Variants in SH3RF1 observed in about 807,000 individuals in gnomAD.
The protein encoded by SH3RF1 is SH3 domain containing ring finger 1.
SH3RF1 carries 32 observed loss-of-function variants against 74.0 expected under a neutral mutation model. That is an observed-to-expected ratio of 0.43 (90% CI 0.33 to 0.58). SH3RF1 has a LOEUF of 0.58. SH3RF1 is among the 20% of genes least tolerant of loss of function. The pLI is 0.05. For missense variants in SH3RF1, 954 were observed against 1,130.9 expected (o/e 0.84, Z 2.24); for synonymous variants, 396 against 439.6 (o/e 0.90, Z 1.24).
intron 2 of SH3RF1, among the ~76,000 whole-genome samples, chr4:169,230,829 G>A (rs6820438): frequency 0.061 from 8,665 of 141,406 alleles, 381 homozygotes; most frequent in Admixed American, 0.17. Flanking sequence ...GCACTCCAGC[G>A]TAGATGACAG....
intron 2 of SH3RF1, among the ~76,000 whole-genome samples, chr4:169,250,540 A>G (rs1039707): frequency 0.067 from 10,130 of 152,254 alleles, 378 homozygotes; most frequent in South Asian, 0.12. Context: ...TACATCAAGT[A>G]TAACCATTCA....
At chr4:169,201,599 C>T (rs907562986) in intron 2 of SH3RF1, among the ~76,000 whole-genome samples, 2 of 152,170 alleles carry the variant, frequency 1.3e-5, no homozygotes, top group African/African-American at 4.8e-5. Context: ...ATAACAACAA[C>T]TTTGCTATTC....
intron 2 of SH3RF1, among the ~76,000 whole-genome samples, chr4:169,246,798 G>A (rs1731001100): frequency 6.6e-6 from 1 of 152,112 alleles, no homozygotes; most frequent in South Asian, 2.1e-4. Context: ...CATTTAACTA[G>A]CAATTATTTC....
At chr4:169,187,012 C>CAAA (rs11435790) in intron 2 of SH3RF1, among the ~76,000 whole-genome samples, 2 of 127,540 alleles carry the variant, frequency 1.6e-5, no homozygotes, top group African/African-American at 3.1e-5. Context: ...GGCTCCATCG[C>CAAA]AAAAAAAAAA....
In SH3RF1 at chr4:169,269,284, G is replaced by A; in HGVS notation, c.-72C>T. 6.9e-7 allele frequency: 1 copy of A among 1,455,848 alleles called. No homozygotes were observed. Among genetic ancestry groups the A allele is most frequent in the Non-Finnish European group, 9.1e-7 (1 of 1,095,950 alleles). The allele number at this position is 1,455,848 out of a possible 1,614,324, so 90.2% of individuals were successfully genotyped here. On this transcript the variant is annotated 5_prime_UTR_variant, in exon 2 of 12. Transcript: ENST00000284637. ...GTGTGCATCCCTTAAAATGACTCAT[G>A]TAACATCCATTTCAGACTTTGCTCT...
intron 2 of SH3RF1, among the ~76,000 whole-genome samples, chr4:169,260,900 A>G (rs1461412676): frequency 6.6e-6 from 1 of 152,208 alleles, no homozygotes; most frequent in African/African-American, 2.4e-5. Context: ...GTATCTTTTC[A>G]GTAACTTTGG....
intron 2 of SH3RF1, among the ~76,000 whole-genome samples, chr4:169,217,069 G>A (rs751245471): frequency 3.3e-5 from 5 of 150,016 alleles, no homozygotes; most frequent in African/African-American, 7.4e-5. Context: ...GAGCTGAGGT[G>A]AGAAGATCGC....
chr4:169,228,512 T>C (rs1044099457), intron 2 of SH3RF1, among the ~76,000 whole-genome samples: 2 of 152,176 alleles, frequency 1.3e-5, no homozygotes, highest in Non-Finnish European at 1.5e-5. Context: ...GAGTTCCTCA[T>C]CACATAACAT....
At chr4:169,216,920 G>A (rs763937060) in intron 2 of SH3RF1, among the ~76,000 whole-genome samples, 7 of 151,226 alleles carry the variant, frequency 4.6e-5, no homozygotes, top group Non-Finnish European at 7.4e-5. Flanking sequence ...GGAGGCCGAG[G>A]CAGGCGGATC....
At chr4:169,171,685 T>C (rs1734329639) in intron 2 of SH3RF1, among the ~76,000 whole-genome samples, 1 of 152,196 alleles carries the variant, frequency 6.6e-6, no homozygotes, top group African/African-American at 2.4e-5. Context: ...AGAAACTTTA[T>C]TACCTGTGCC....
At chr4:169,263,799 AG>A in intron 2 of SH3RF1, among the ~76,000 whole-genome samples, 1 of 152,256 alleles carries the variant, frequency 6.6e-6, no homozygotes. Flanking sequence ...AGAAAGTAGT[AG>A]TTTTCCCCTC....
At chr4:169,248,283 A>G (rs1731042301) in intron 2 of SH3RF1, among the ~76,000 whole-genome samples, 2 of 152,238 alleles carry the variant, frequency 1.3e-5, no homozygotes, top group Non-Finnish European at 2.9e-5. Flanking sequence ...TGTGGCACAT[A>G]TGCATCATGG....
chr4:169,102,429 T>C (rs999500635), intron 11 of SH3RF1, among the ~76,000 whole-genome samples: 2 of 152,098 alleles, frequency 1.3e-5, no homozygotes, highest in Non-Finnish European at 2.9e-5. Flanking sequence ...GAGATGAGCT[T>C]ATAGGTATGT....
intron 2 of SH3RF1, among the ~76,000 whole-genome samples, chr4:169,190,481 A>T (rs1415536207): frequency 1.3e-5 from 2 of 152,148 alleles, no homozygotes; most frequent in Admixed American, 6.5e-5. Context: ...GAGGAGATGG[A>T]TAAATTTCTA....
chr4:169,252,883 A>C (rs1731129042), intron 2 of SH3RF1, among the ~76,000 whole-genome samples: 1 of 152,206 alleles, frequency 6.6e-6, no homozygotes, highest in Non-Finnish European at 1.5e-5. Context: ...GGATTATAGC[A>C]AAGGGGAAGT....
intron 2 of SH3RF1, chr4:169,201,691 G>C (rs561568013): frequency 6.6e-6 from 1 of 152,194 alleles, no homozygotes; most frequent in South Asian, 2.1e-4. Context: ...TCATTTCCAT[G>C]GTAACTTCCT....
chr4:169,099,553 A>G (rs2126933756), intron 11 of SH3RF1, among the ~76,000 whole-genome samples: 1 of 152,370 alleles, frequency 6.6e-6, no homozygotes, highest in Admixed American at 6.5e-5. Context: ...GCAAAGCTTT[A>G]TAATTCTGGG....
At chr4:169,196,961 CA>C (rs1158152890) in intron 2 of SH3RF1, among the ~76,000 whole-genome samples, 1 of 152,142 alleles carries the variant, frequency 6.6e-6, no homozygotes, top group South Asian at 2.1e-4. Context: ...AAAAAGCACT[CA>C]AAAAAGTAAC....
At chr4:169,188,028 G>A (rs930624469) in intron 2 of SH3RF1, among the ~76,000 whole-genome samples, 2 of 152,084 alleles carry the variant, frequency 1.3e-5, no homozygotes, top group African/African-American at 4.8e-5. Context: ...ACAAGCCTAG[G>A]AATGCCAAGG....
Sources: gnomAD v4.1 joint callset for allele counts (sites outside exome capture counted in the v4.1 genomes callset) on GRCh38, gnomAD v4.1.1 for gene constraint, MANE v1.5 for transcripts, NCBI Gene and HGNC (gene_info 2026-07-23, HGNC 2026-07-21) for gene names.